The following BBS7 variants were observed in gnomAD, a reference collection of about 807,000 sequenced individuals.
The protein encoded by BBS7 is BBSome complex member BBS7.
BBS7 carries 50 observed loss-of-function variants against 90.3 expected under a neutral mutation model. The observed-to-expected ratio is 0.55, with a 90% CI of 0.44 to 0.70. BBS7 has a LOEUF of 0.70. BBS7 is among the 30% of genes least tolerant of loss of function. BBS7 has a pLI of 0.00. For synonymous variants in BBS7, 235 were observed against 287.4 expected, an observed-to-expected ratio of 0.82 and a Z score of 1.85; for missense variants, 729 against 838.9, an observed-to-expected ratio of 0.87 and a Z score of 1.62.
rs1726980767 is a variant in BBS7 at position 121,861,591 on chromosome 4, G to A, written c.254C>T (p.Ala85Val). ...GAAGCCTCTAATCTCAGATGCTGCAGCAATAAAAATTTTCTCCTGAGGTGT... is the reference window on the plus strand; with the variant it reads ...GAAGCCTCTAATCTCAGATGCTGCAACAATAAAAATTTTCTCCTGAGGTGT... The part of the protein sequence containing the change: ...INTPQEKIFI[A>V]AASEIRGFTK... Residue 85 changes from alanine to valine, a missense_variant, in exon 4 of 19, where the codon GCT (alanine) becomes GTT (valine). Transcript: ENST00000264499. 2 of 1,613,512 alleles carry A rather than the reference G, an allele frequency of 1.2e-6. No individual in the cohort carries two copies. Among genetic ancestry groups the A allele is most frequent in the Non-Finnish European group, 1.7e-6 (2 of 1,179,728 alleles).
At chr4:121,857,762 G>A (rs1004061917) in intron 5 of BBS7, among the ~76,000 whole-genome samples, 9 of 151,888 alleles carry the variant, frequency 5.9e-5, no homozygotes, top group Non-Finnish European at 1.3e-4. Context: ...ATAGGCTATG[G>A]GGGAAATTAA....
chr4:121,835,325 CA>C (rs1156667694), intron 13 of BBS7, 42 bp from the exon 14 acceptor site: 1 of 1,606,478 alleles, frequency 6.2e-7, no homozygotes, highest in African/African-American at 1.3e-5. Flanking sequence ...GAATATTTAG[CA>C]ACAAAACATA....
At chr4:121,832,951 A>T (rs1042451523) in intron 15 of BBS7, among the ~76,000 whole-genome samples, 3 of 152,040 alleles carry the variant, frequency 2.0e-5, no homozygotes, top group Non-Finnish European at 4.4e-5. Flanking sequence ...CTATTTTGTT[A>T]TTGTTATTGC....
intron 13 of BBS7, among the ~76,000 whole-genome samples, chr4:121,838,535 A>T (rs1725575606): frequency 6.6e-6 from 1 of 152,202 alleles, no homozygotes; most frequent in Non-Finnish European, 1.5e-5. Flanking sequence ...TATGTCATTA[A>T]ATTGCTAGAG....
chr4:121,848,862 C>G lies in BBS7; in HGVS notation c.916G>C (p.Val306Leu). Residue 306 changes from valine (V) to leucine (L), a missense_variant, in exon 9 of 19, where the codon GTG (valine) becomes CTG (leucine). Val to Leu is a conservative substitution (Grantham distance 32). Coordinates refer to ENST00000264499, the MANE Select transcript of BBS7 (RefSeq NM_176824.3). The stretch of plus-strand genomic sequence containing the variant: ...ACTTTACCTGAATATGTGGACACCA[C>G]GATTTCATCATAGCTGTCTTTTCCT... ...CVGKDSYDEI[V>L]VSTYSGWVTG... The G allele has an allele frequency of 6.2e-7, 1 of 1,613,630 alleles. No homozygotes were observed. Among genetic ancestry groups the G allele is most frequent in the African/African-American group, 1.3e-5 (1 of 75,016 alleles).
intron 8 of BBS7, among the ~76,000 whole-genome samples, chr4:121,849,881 G>C (rs963662970): frequency 6.6e-6 from 1 of 152,066 alleles, no homozygotes; most frequent in African/African-American, 2.4e-5. Context: ...ACCCCGTTAA[G>C]TTTAGTCTAT....
At chr4:121,843,839 TC>T (rs1436958826) in intron 12 of BBS7, 87 bp downstream of exon 12, 25 of 887,210 alleles carry the variant, frequency 2.8e-5, no homozygotes, top group Non-Finnish European at 4.2e-5. Context: ...AAAAGAAACA[TC>T]AAAACCTAGC....
chr4:121,855,896 GTATGTGTATATATGTATA>G (rs139954067), intron 5 of BBS7, among the ~76,000 whole-genome samples: 3,606 of 145,604 alleles, frequency 0.025, 56 homozygotes, highest in Middle Eastern at 0.071. Flanking sequence ...GTACATACAT[GTATGTGTATATATGTATA>G]TATGTGTACA....
rs1725004516 is a variant in BBS7 at position 121,828,289 on chromosome 4, G to A, written c.1891-20C>T. On this transcript the variant is annotated intron_variant, in intron 17 of 18. Transcript: ENST00000264499. ...TAATTCCTATTTAAAATGAAAAACAGAAGCACCTTAATATTCAAAATTCAA... is the reference window on the plus strand; with the variant it reads ...TAATTCCTATTTAAAATGAAAAACAAAAGCACCTTAATATTCAAAATTCAA... The A allele has an allele frequency of 1.2e-6, 2 of 1,607,078 alleles. No individual in the cohort carries two copies. The highest frequency in any genetic ancestry group is 2.2e-5 in the South Asian group (2 of 90,886).
At chr4:121,832,781 T>C (rs1269764893) in intron 15 of BBS7, among the ~76,000 whole-genome samples, 1 of 152,192 alleles carries the variant, frequency 6.6e-6, no homozygotes, top group Non-Finnish European at 1.5e-5. Flanking sequence ...TTCAAATCAA[T>C]TTGGGTAGGA....
intron 7 of BBS7, among the ~76,000 whole-genome samples, chr4:121,853,615 ATAGCCTAGACTAAGC>A (rs1726441342): frequency 6.6e-6 from 1 of 151,624 alleles, no homozygotes; most frequent in Non-Finnish European, 1.5e-5. Context: ...CCAGCTACTG[ATAGCCTAGACTAAGC>A]TAGCCTAGAC....
chr4:121,866,255 G>C (rs949150075), intron 2 of BBS7, among the ~76,000 whole-genome samples: 1 of 152,040 alleles, frequency 6.6e-6, no homozygotes, highest in African/African-American at 2.4e-5. Context: ...TTTTGCTTTT[G>C]TTGTTTGTGT....
chr4:121,835,135 T>G lies in BBS7; in HGVS notation c.1511+9A>C. 6.2e-7 allele frequency: 1 copy of G among 1,613,682 alleles called. No individual in the cohort carries two copies. The highest frequency in any genetic ancestry group is 1.1e-5 in the South Asian group (1 of 91,072). On this transcript the variant is annotated intron_variant, in intron 14 of 18. Transcript: ENST00000264499. ...TCCTAAAAAGAATTTGCTCTTTCCT[T>G]TGTCCTACCTGTCATGATCAATAAA...
chr4:121,826,646 C>T (rs1346407676), intron 18 of BBS7, among the ~76,000 whole-genome samples: 1 of 152,162 alleles, frequency 6.6e-6, no homozygotes, highest in Non-Finnish European at 1.5e-5. Context: ...CTATTTCTGG[C>T]ACAAAATATA....
chr4:121,868,116 T>C, intron 1 of BBS7, 70 bp from the exon 2 acceptor site: 1 of 1,244,442 alleles, frequency 8.0e-7, no homozygotes, highest in East Asian at 2.3e-5. Flanking sequence ...TAAGTTATAG[T>C]GAACCTTTTT....
Position 121,827,338 on chromosome 4 carries a change from T to C in BBS7, c.2014+808A>G, listed in dbSNP as rs536695953. 3.1e-3 allele frequency among the ~76,000 whole-genome samples: 469 copies of C among 152,328 alleles called. 1 individual carries two copies. Among genetic ancestry groups the C allele is most frequent in the Non-Finnish European group, 4.4e-3 (296 of 68,018 alleles). On this transcript the variant is annotated intron_variant, in intron 18 of 18. Coordinates refer to ENST00000264499, the MANE Select transcript of BBS7 (RefSeq NM_176824.3). ...ATACCAATTGGCTCTACAGTGACTA[T>C]GGAAGGCTTGGCATAGTGTAAAAGG... is the stretch of plus-strand genomic sequence containing the variant.
chr4:121,838,012 G>A (rs1360664692), intron 13 of BBS7, among the ~76,000 whole-genome samples: 2 of 151,512 alleles, frequency 1.3e-5, no homozygotes, highest in African/African-American at 2.4e-5. Flanking sequence ...GCTGAGGCAC[G>A]AAAATCACTT....
chr4:121,833,505 C>A, intron 14 of BBS7, 110 bp from the exon 15 acceptor site: 1 of 1,009,492 alleles, frequency 9.9e-7, no homozygotes, highest in Non-Finnish European at 1.5e-6. Flanking sequence ...TAAATGAAAA[C>A]ATTCAATTTT....
At position 121,835,182 on chromosome 4, in the gene BBS7, A is replaced by T. The variant is rs757900989; in HGVS notation, c.1473T>A (p.Leu491=). 1.9e-6 allele frequency: 3 copies of T among 1,613,892 alleles called. No individual in the cohort carries two copies. The highest frequency in any genetic ancestry group is 4.5e-5 in the East Asian group (2 of 44,862). The change falls in exon 14 of 19, where the codon CTT becomes CTA. Residue 491 remains leucine, a synonymous_variant. Transcript: ENST00000264499. ...TAAAGTGAGTTCTTTGATGGAGTGA[A>T]AGAGGTTTGATGTGGTACTGGCGGA... The part of the protein sequence containing the change: ...CQVRQYHIKP[L]SLHQRTHFID...
Sources: allele counts gnomAD v4.1 joint callset (sites outside exome capture counted in the v4.1 genomes callset), GRCh38; gene constraint gnomAD v4.1.1; transcripts MANE v1.5; gene names NCBI Gene and HGNC (gene_info 2026-07-23, HGNC 2026-07-21).